APP: variants seen among roughly 807,000 people sequenced by gnomAD.
APP encodes amyloid beta precursor protein.
In APP, 31 loss-of-function variants were observed where a neutral mutation model predicts 101.4. That is an observed-to-expected ratio of 0.31 (90% confidence interval 0.23 to 0.41). The LOEUF (loss-of-function observed/expected upper bound fraction) is 0.41, where lower values mean the gene tolerates loss of function less well. Ranked by LOEUF, APP falls within the 10% of genes least tolerant of loss-of-function variation. APP has a pLI of 1.00. For missense variants in APP, 839 were observed against 1,003.7 expected (o/e 0.84, Z 2.22); for synonymous variants, 366 against 364.4 (o/e 1.00, Z -0.05).
intron 1 of APP, among the ~76,000 whole-genome samples, chr21:26,121,845 T>A (rs1345418921): frequency 1.3e-5 from 2 of 152,174 alleles, no homozygotes; most frequent in Non-Finnish European, 2.9e-5. Context: ...TCCCCTCTAT[T>A]TCTTCTCATT....
intron 16 of APP, among the ~76,000 whole-genome samples, chr21:25,896,909 C>G (rs2038087480): frequency 6.6e-6 from 1 of 152,126 alleles, no homozygotes; most frequent in African/African-American, 2.4e-5. Context: ...GAAGACAGTT[C>G]CGGATGTGAA....
chr21:25,956,065 T>G (rs944451056), intron 11 of APP, among the ~76,000 whole-genome samples: 2 of 152,206 alleles, frequency 1.3e-5, no homozygotes, highest in African/African-American at 4.8e-5. Context: ...TTGAGGTCTG[T>G]CAGGTTAAGT....
chr21:25,895,088 TAAA>T (rs1046572552), intron 16 of APP, among the ~76,000 whole-genome samples: 2 of 146,062 alleles, frequency 1.4e-5, no homozygotes, highest in Non-Finnish European at 3.0e-5. Flanking sequence ...ATTTTACTAA[TAAA>T]AGTAAAGTAT....
intron 17 of APP, among the ~76,000 whole-genome samples, chr21:25,891,293 G>A (rs2037681283): frequency 6.6e-6 from 1 of 152,066 alleles, no homozygotes; most frequent in African/African-American, 2.4e-5. Context: ...TGAGAGGCCA[G>A]ACTATTTAAG....
intron 3 of APP, among the ~76,000 whole-genome samples, chr21:26,081,529 A>G (rs991648254): frequency 6.6e-6 from 1 of 152,136 alleles, no homozygotes; most frequent in Non-Finnish European, 1.5e-5. Context: ...TTTGTGGTGG[A>G]ATGTCATCAG....
chr21:26,105,068 CAAAAAAAAAAA>C (rs10579923), intron 2 of APP, among the ~76,000 whole-genome samples: 21 of 110,496 alleles, frequency 1.9e-4, no homozygotes, highest in Admixed American at 4.5e-4. Context: ...GCATTTTTTT[CAAAAAAAAAAA>C]AAAAAAAAAA....
chr21:26,056,329 C>G (rs552946745), intron 3 of APP, among the ~76,000 whole-genome samples: 1 of 152,298 alleles, frequency 6.6e-6, no homozygotes, highest in South Asian at 2.1e-4. Context: ...TGAGCCACCA[C>G]GACCAGCCAG....
At chr21:25,954,801 T>G (rs965166472) in intron 12 of APP, 112 bp from the exon 13 acceptor site, 17 of 899,198 alleles carry the variant, frequency 1.9e-5, no homozygotes, top group African/African-American at 1.9e-4. Context: ...GTCGCCCAGG[T>G]TATTTTTCTT....
At chr21:25,907,777 C>A (rs2038867959) in intron 14 of APP, among the ~76,000 whole-genome samples, 1 of 152,160 alleles carries the variant, frequency 6.6e-6, no homozygotes, top group Non-Finnish European at 1.5e-5. Context: ...GAGGAATCAG[C>A]AGTACACCAG....
chr21:26,120,219 T>C lies in APP; in HGVS notation c.58-8073A>G, dbSNP rs146078229. ...ATGTATTTGATAGGAATAACTAAAA[T>C]ACTAAGTGATAGAATCAAGGCATAG... is the stretch of plus-strand genomic sequence containing the variant. On this transcript the variant is annotated intron_variant, in intron 1 of 17. Transcript: ENST00000346798. 7.9e-5 allele frequency among the ~76,000 whole-genome samples: 12 copies of C among 152,306 alleles called. No homozygotes were observed. The East Asian group carries it at 2.3e-3, about 29-fold the overall frequency.
intron 5 of APP, among the ~76,000 whole-genome samples, chr21:26,027,698 C>T (rs2830013): frequency 0.023 from 3,521 of 152,158 alleles, 156 homozygotes; most frequent in African/African-American, 0.08. Flanking sequence ...TGTTCTGGTC[C>T]GGATGCTGGC....
chr21:26,057,602 A>C (rs2046095487), intron 3 of APP, among the ~76,000 whole-genome samples: 1 of 152,128 alleles, frequency 6.6e-6, no homozygotes, highest in African/African-American at 2.4e-5. Flanking sequence ...ATTCAATAGG[A>C]GTCTGCAGGC....
At chr21:26,116,219 G>A (rs532631175) in intron 1 of APP, among the ~76,000 whole-genome samples, 7 of 152,182 alleles carry the variant, frequency 4.6e-5, no homozygotes, top group South Asian at 2.1e-4. Context: ...CTACAGAGAC[G>A]TACATATCAA....
chr21:26,124,776 A>AT (rs2062647202), intron 1 of APP, among the ~76,000 whole-genome samples: 3 of 152,366 alleles, frequency 2.0e-5, no homozygotes, highest in African/African-American at 4.8e-5. Flanking sequence ...CTCTACACAG[A>AT]TAAGATTTCA....
intron 11 of APP, among the ~76,000 whole-genome samples, chr21:25,958,301 G>A (rs1436921786): frequency 6.6e-6 from 1 of 152,066 alleles, no homozygotes; most frequent in African/African-American, 2.4e-5. Context: ...CTTTGAGATG[G>A]AATCTCGCCC....
chr21:25,885,548 C>A (rs572158524), intron 17 of APP, among the ~76,000 whole-genome samples: 2 of 152,274 alleles, frequency 1.3e-5, no homozygotes, highest in East Asian at 3.9e-4. Context: ...TATTCATTCT[C>A]TTCCCAGACT....
chr21:26,164,170 G>T (rs1173773964), intron 1 of APP, among the ~76,000 whole-genome samples: 1 of 152,158 alleles, frequency 6.6e-6, no homozygotes, highest in East Asian at 1.9e-4. Context: ...GCTTGAACCT[G>T]AGAGGCGGAG....
At chr21:26,050,025 G>C (rs2045771742) in intron 5 of APP, among the ~76,000 whole-genome samples, 2 of 152,146 alleles carry the variant, frequency 1.3e-5, no homozygotes, top group African/African-American at 2.4e-5. Flanking sequence ...TAATTGGTGG[G>C]GGTAACCATA....
intron 8 of APP, among the ~76,000 whole-genome samples, chr21:25,993,060 G>A (rs1162153549): frequency 1.3e-5 from 2 of 151,658 alleles, no homozygotes; most frequent in African/African-American, 4.9e-5. Flanking sequence ...TTGAAAGGCT[G>A]CGTGGTGTGA....
Sources: allele counts gnomAD v4.1 joint callset (sites outside exome capture counted in the v4.1 genomes callset), GRCh38; gene constraint gnomAD v4.1.1; transcripts MANE v1.5; gene names NCBI Gene and HGNC (gene_info 2026-07-23, HGNC 2026-07-21).